ATCAY: variants seen among roughly 807,000 people sequenced by gnomAD.
ATCAY encodes caytaxin.
ATCAY carries 22 observed loss-of-function variants against 47.7 expected under a neutral mutation model. The observed-to-expected ratio is 0.46, with a 90% confidence interval of 0.33 to 0.66. The LOEUF is 0.66. Among genes scored for constraint, ATCAY ranks in the 30% least tolerant of loss-of-function variants. ATCAY has a pLI of 0.02. For synonymous variants in ATCAY, 216 were observed against 207.6 expected (o/e 1.04, Z -0.35); for missense variants, 452 against 515.0 (o/e 0.88, Z 1.18).
intron 8 of ATCAY, among the ~76,000 whole-genome samples, chr19:3,911,554 T>TACAA (rs925982527): frequency 8.4e-6 from 1 of 119,712 alleles, no homozygotes; most frequent in Admixed American, 9.7e-5. Flanking sequence ...TATATGTATG[T>TACAA]ATAAATAAAT....
chr19:3,887,728 C>T (rs571205336), intron 2 of ATCAY, among the ~76,000 whole-genome samples: 34 of 150,678 alleles, frequency 2.3e-4, no homozygotes, highest in East Asian at 1.4e-3. Context: ...CCTCGTGATC[C>T]GCCCACCTCG....
chr19:3,888,212 TC>T (rs1344564702), intron 2 of ATCAY, among the ~76,000 whole-genome samples: 7 of 152,076 alleles, frequency 4.6e-5, no homozygotes, highest in Admixed American at 1.3e-4. Flanking sequence ...TCATCCCTCT[TC>T]CCTTTCAGAA....
intron 8 of ATCAY, among the ~76,000 whole-genome samples, chr19:3,913,279 T>A (rs1234701343): frequency 6.6e-6 from 1 of 152,082 alleles, no homozygotes; most frequent in Non-Finnish European, 1.5e-5. Context: ...AGAGCAAGAC[T>A]CTGTGTCAAA....
At chr19:3,918,742 G>A (rs2145264007) in intron 10 of ATCAY, 64 bp from the exon 11 acceptor site, 1 of 1,582,598 alleles carries the variant, frequency 6.3e-7, no homozygotes, top group East Asian at 2.2e-5. Flanking sequence ...AGTACTAGCT[G>A]AGAGCCCACC....
At chr19:3,883,612 CT>C (rs2038622088) in intron 1 of ATCAY, among the ~76,000 whole-genome samples, 1 of 152,184 alleles carries the variant, frequency 6.6e-6, no homozygotes, top group Non-Finnish European at 1.5e-5. Context: ...AGCAGCACCC[CT>C]GGCCTGCCCA....
In ATCAY at chr19:3,908,157, G is replaced by C. The variant is rs1231774028; in HGVS notation, c.545-111G>C. The C allele has an allele frequency of 5.5e-6, 6 of 1,093,774 alleles. No individual in the cohort carries two copies. The East Asian group carries it at 1.6e-4, about 28-fold the overall frequency. 67.8% of individuals were successfully genotyped at this position (1,093,774 alleles called of 1,614,324 possible). On this transcript the variant is annotated intron_variant, in intron 5 of 12. Transcript: ENST00000450849. ...AGGGGTCGCCGGCTGCTGTGGCTCG[G>C]AGCCATGCCCTCCCGAGCGTGTGGG... is the stretch of plus-strand genomic sequence containing the variant.
At chr19:3,887,756 G>A (rs1448064583) in intron 2 of ATCAY, among the ~76,000 whole-genome samples, 2 of 149,186 alleles carry the variant, frequency 1.3e-5, no homozygotes, top group East Asian at 2.1e-4. Flanking sequence ...AAAGTGCTGG[G>A]ATTACAGGCG....
Position 3,913,848 on chromosome 19 carries a change from C to A in ATCAY, c.957C>A (p.Cys319Ter). The change falls in exon 9 of 13, where the codon TGC becomes TGA. Residue 319 changes from cysteine to a stop codon, truncating the protein, a stop_gained. Transcript: ENST00000450849. LOFTEE classifies it high-confidence loss of function. ...IPMEHVQIPD[C>*]VLQYEEERLK... is the part of the protein sequence containing the mutation. ...TGGAACACGTCCAGATCCCAGACTG[C>A]GTCCTGCAGTGAGTGGCCCCACAGT... The A allele has an allele frequency of 6.2e-7, 1 of 1,612,778 alleles. No homozygotes were observed. Among genetic ancestry groups the A allele is most frequent in the Non-Finnish European group, 8.5e-7 (1 of 1,179,206 alleles).
intron 1 of ATCAY, among the ~76,000 whole-genome samples, chr19:3,884,612 GTC>G (rs1398169688): frequency 6.6e-6 from 1 of 152,150 alleles, no homozygotes; most frequent in Non-Finnish European, 1.5e-5. Flanking sequence ...GGGAGGGTAA[GTC>G]TATCTGGGTC....
At position 3,908,034 on chromosome 19, in the gene ATCAY, G is replaced by A. The variant is rs749578004; in HGVS notation, c.544+115G>A. The A allele has an allele frequency of 1.1e-4, 152 of 1,376,632 alleles. No individual in the cohort carries two copies. The Middle Eastern group carries it at 1.1e-3, about 10-fold the overall frequency. The allele number at this position is 1,376,632 out of a possible 1,614,324, so 85.3% of individuals were successfully genotyped here. On this transcript the variant is annotated intron_variant, in intron 5 of 12. Transcript: ENST00000450849. ...GGATGTTAAGCCGTCAACTCGCTTC[G>A]GGTGGACGGACTGTGGGCAAGGCGT...
chr19:3,885,109 TAAAAAAAAAAAAAAA>T (rs34258948), intron 1 of ATCAY, among the ~76,000 whole-genome samples: 1 of 70,326 alleles, frequency 1.4e-5, no homozygotes, highest in East Asian at 4.6e-4. Context: ...TTTTTTTTTT[TAAAAAAAAAAAAAAA>T]AAAAAAAAAA....
intron 8 of ATCAY, 136 bp from the exon 9 acceptor site, chr19:3,913,622 G>A: frequency 1.6e-6 from 1 of 643,276 alleles, no homozygotes; most frequent in South Asian, 1.8e-5. Context: ...GCGGGAGGGA[G>A]GTGTCGTCGT....
chr19:3,903,932 TTTGAGA>T (rs2038837358), intron 3 of ATCAY, among the ~76,000 whole-genome samples: 4 of 144,042 alleles, frequency 2.8e-5, no homozygotes, highest in African/African-American at 1.0e-4. Context: ...AGGTCAGGAG[TTTGAGA>T]CCAACCTGGC....
chr19:3,902,462 T>C (rs1028100895), intron 2 of ATCAY, 25 bp from the exon 3 acceptor site: 3 of 1,562,664 alleles, frequency 1.9e-6, no homozygotes, highest in African/African-American at 2.7e-5. Flanking sequence ...CGGCGACTGA[T>C]GCCTGTTCCT....
At chr19:3,918,642 G>C (rs965910258) in intron 10 of ATCAY, among the ~76,000 whole-genome samples, 164 bp from the exon 11 acceptor site, 19 of 152,232 alleles carry the variant, frequency 1.2e-4, no homozygotes, top group African/African-American at 4.3e-4. Context: ...ACAGAGTCTT[G>C]GTCCCAGAAG....
intron 1 of ATCAY, among the ~76,000 whole-genome samples, chr19:3,884,017 G>C (rs905390132): frequency 2.5e-4 from 38 of 152,160 alleles, no homozygotes; most frequent in Admixed American, 1.9e-3. Flanking sequence ...ACTGGTGTGG[G>C]GGGTGGGGCG....
chr19:3,924,673 TCTCATCCTGC>T lies in ATCAY; in HGVS notation c.*91_*100del. The T allele has an allele frequency of 6.6e-7, 1 of 1,514,282 alleles. No individual in the cohort carries two copies. The highest frequency in any genetic ancestry group is 9.1e-7 in the Non-Finnish European group (1 of 1,098,174). The allele number at this position is 1,514,282 out of a possible 1,614,324, so 93.8% of individuals were successfully genotyped here. On this transcript the variant is annotated 3_prime_UTR_variant, in exon 13 of 13. Transcript: ENST00000450849. ...CTGTCAGACGCCCACTGGCCCCAGA[TCTCATCCTGC>T]CTCATCCTGAGTCCCAATCTTCCAA...
Position 3,907,347 on chromosome 19 carries a change from G to C in ATCAY, c.359-387G>C, listed in dbSNP as rs1480279786. ...TAGTCCCAGGTATCTGGGAGGCTGA[G>C]GCAGGAGGACTGCTCTCTGTGTGCC... On this transcript the variant is annotated intron_variant, in intron 4 of 12. Coordinates refer to ENST00000450849, the MANE Select transcript of ATCAY (RefSeq NM_033064.5). This position sits in a 1 kb window ranked among gnomAD's most constrained non-coding sequence, Gnocchi z 5.1. Among the ~76,000 whole-genome samples the C allele has an allele frequency of 6.6e-6, 1 of 152,158 alleles. No individual in the cohort carries two copies. The highest frequency in any genetic ancestry group is 1.5e-5 in the Non-Finnish European group (1 of 68,026).
At chr19:3,913,962 C>G (rs1384019998) in intron 9 of ATCAY, 106 bp downstream of exon 9, 2 of 974,496 alleles carry the variant, frequency 2.1e-6, no homozygotes, top group African/African-American at 1.6e-5. Flanking sequence ...AGGGGCCGGG[C>G]GCGGTGGCTC....
Sources: allele counts gnomAD v4.1 joint callset (sites outside exome capture counted in the v4.1 genomes callset), GRCh38; gene constraint gnomAD v4.1.1; non-coding constraint Gnocchi (gnomAD v3.1); transcripts MANE v1.5; gene names NCBI Gene and HGNC (gene_info 2026-07-23, HGNC 2026-07-21).